Variants in AKAP19 observed in about 807,000 individuals in gnomAD.
AKAP19 encodes the protein small A-kinase anchoring protein.
chr2:189,910,190 A>C, the AKAP19 span, among the ~76,000 whole-genome samples: 6 of 152,234 alleles, frequency 3.9e-5, no homozygotes, highest in South Asian at 8.3e-4. Context: ...CTTTAGAGCA[A>C]ACATTAAAAG....
At chr2:190,050,986 C>G in the AKAP19 span, among the ~76,000 whole-genome samples, 1 of 152,178 alleles carries the variant, frequency 6.6e-6, no homozygotes, top group Non-Finnish European at 1.5e-5. Flanking sequence ...GATGATGTTG[C>G]ATCTACAAAG....
chr2:190,148,192 T>G, the AKAP19 span, among the ~76,000 whole-genome samples: 1 of 152,358 alleles, frequency 6.6e-6, no homozygotes, highest in Non-Finnish European at 1.5e-5. Flanking sequence ...GTTTGCTGAT[T>G]TTGTTGAAAG....
At chr2:190,024,000 C>T in the AKAP19 span, among the ~76,000 whole-genome samples, 2 of 151,616 alleles carry the variant, frequency 1.3e-5, no homozygotes, top group African/African-American at 2.4e-5. Flanking sequence ...TTTTTTTGTA[C>T]CTATAAACGT....
At chr2:190,147,083 TGTCTAG>T in the AKAP19 span, among the ~76,000 whole-genome samples, 1 of 152,366 alleles carries the variant, frequency 6.6e-6, no homozygotes, top group East Asian at 1.9e-4. Flanking sequence ...CCTAAGCCAA[TGTCTAG>T]AAGGGTTTTT....
the AKAP19 span, among the ~76,000 whole-genome samples, chr2:190,144,831 G>A: frequency 6.6e-6 from 1 of 152,232 alleles, no homozygotes; most frequent in East Asian, 1.9e-4. Flanking sequence ...ACAAAAATTA[G>A]CCAGGCACGG....
chr2:189,986,453 AC>A, the AKAP19 span, among the ~76,000 whole-genome samples: 1 of 152,032 alleles, frequency 6.6e-6, no homozygotes, highest in African/African-American at 2.4e-5. Context: ...TCCCTGAATG[AC>A]TAAGTAGAGC....
the AKAP19 span, among the ~76,000 whole-genome samples, chr2:189,938,085 C>T: frequency 6.6e-6 from 1 of 151,966 alleles, no homozygotes; most frequent in Non-Finnish European, 1.5e-5. Context: ...CCTATAATCC[C>T]AGGACTTTGG....
At chr2:189,967,589 A>G in the AKAP19 span, among the ~76,000 whole-genome samples, 1 of 152,224 alleles carries the variant, frequency 6.6e-6, no homozygotes, top group Non-Finnish European at 1.5e-5. Context: ...GAATGTCACC[A>G]AAAGAAATTC....
the AKAP19 span, among the ~76,000 whole-genome samples, chr2:189,963,588 T>C: frequency 3.3e-5 from 5 of 152,270 alleles, no homozygotes; most frequent in African/African-American, 4.8e-5. Flanking sequence ...CATCTCAAAG[T>C]CAGCCATGAG....
chr2:190,118,790 C>G, the AKAP19 span, among the ~76,000 whole-genome samples: 1 of 152,190 alleles, frequency 6.6e-6, no homozygotes, highest in African/African-American at 2.4e-5. Context: ...TGGAAGCATT[C>G]CCTTTGAAAA....
chr2:190,136,147 G>A, the AKAP19 span, among the ~76,000 whole-genome samples: 8 of 152,198 alleles, frequency 5.3e-5, no homozygotes, highest in Non-Finnish European at 1.2e-4. Context: ...CTATGTGCCA[G>A]GAATTTTGAG....
the AKAP19 span, among the ~76,000 whole-genome samples, chr2:189,993,933 G>A: frequency 6.8e-6 from 1 of 146,632 alleles, no homozygotes; most frequent in African/African-American, 2.6e-5. Flanking sequence ...TATCAATTTT[G>A]TTTGTCTTGT....
the AKAP19 span, among the ~76,000 whole-genome samples, chr2:190,020,495 C>T: frequency 6.6e-6 from 1 of 152,110 alleles, no homozygotes; most frequent in Non-Finnish European, 1.5e-5. Context: ...AGATGATTGG[C>T]CAATTGAGTC....
chr2:190,124,502 G>A, the AKAP19 span, among the ~76,000 whole-genome samples: 2 of 151,826 alleles, frequency 1.3e-5, no homozygotes, highest in Non-Finnish European at 2.9e-5. Context: ...AAAATGGCAG[G>A]AGCGCAAGGC....
chr2:189,991,759 G>A, the AKAP19 span, among the ~76,000 whole-genome samples: 1 of 152,086 alleles, frequency 6.6e-6, no homozygotes, highest in Non-Finnish European at 1.5e-5. Context: ...TCTTGGTCAT[G>A]AATTCTTTGC....
At chr2:190,112,458 G>A in the AKAP19 span, among the ~76,000 whole-genome samples, 5 of 152,096 alleles carry the variant, frequency 3.3e-5, no homozygotes, top group African/African-American at 1.2e-4. Flanking sequence ...AGAAGTACCT[G>A]TCTTATTCCC....
the AKAP19 span, among the ~76,000 whole-genome samples, chr2:190,175,006 G>GAGTAGATA: frequency 6.6e-6 from 1 of 151,802 alleles, no homozygotes; most frequent in Non-Finnish European, 1.5e-5. Flanking sequence ...TAGATTACAT[G>GAGTAGATA]GAGTACATAG....
the AKAP19 span, chr2:190,199,928 A>G: frequency 1.7e-4 from 277 of 1,614,118 alleles, 3 homozygotes; most frequent in East Asian, 5.5e-3. Flanking sequence ...AAGCAGCATG[A>G]GAGTGAAGAA....
chr2:190,013,453 T>C, the AKAP19 span, among the ~76,000 whole-genome samples: 1 of 152,064 alleles, frequency 6.6e-6, no homozygotes, highest in African/African-American at 2.4e-5. Context: ...TATAATTTTT[T>C]TCTCTTTAAT....
Sources: allele counts gnomAD v4.1 joint callset (sites outside exome capture counted in the v4.1 genomes callset), GRCh38; gene constraint gnomAD v4.1.1; transcripts MANE v1.5; gene names NCBI Gene and HGNC (gene_info 2026-07-23, HGNC 2026-07-21).